CSMD3: variants seen among roughly 807,000 people sequenced by gnomAD.
The protein encoded by CSMD3 is CUB and sushi domain-containing protein 3.
A neutral mutation model predicts 435.2 loss-of-function variants in CSMD3; 177 were observed. That is an observed-to-expected ratio of 0.41 (90% CI 0.36 to 0.46). The LOEUF (loss-of-function observed/expected upper bound fraction) is 0.46. Among genes scored for constraint, CSMD3 ranks in the 20% least tolerant of loss-of-function variants. CSMD3 has a pLI of 0.34. For synonymous variants in CSMD3, 1,656 were observed against 1,520.5 expected (o/e 1.09, Z -2.07); for missense variants, 4,265 against 4,504.6 (o/e 0.95, Z 1.52).
chr8:112,492,436 A>G lies in CSMD3; in HGVS notation c.5278+53T>C. 1.4e-5 allele frequency: 19 copies of G among 1,393,130 alleles called. No individual in the cohort carries two copies. In the South Asian group the frequency reaches 2.0e-4, roughly 14 times the overall value. The allele number at this position is 1,393,130 out of a possible 1,614,324, so 86.3% of individuals were successfully genotyped here. A position where few individuals can be genotyped will look rare whatever the true frequency, so the allele number is the denominator to read the frequency against. ...CTGAAACACAGAAATGTCTTTAAAT[A>G]TTTTTTGATTTTTTCTAATCATGAA... On this transcript the variant is annotated intron_variant, in intron 31 of 70. Coordinates refer to ENST00000297405, the MANE Select transcript of CSMD3 (RefSeq NM_198123.2).
At chr8:113,389,908 T>C (rs745525040) in intron 1 of CSMD3, among the ~76,000 whole-genome samples, 18 of 151,794 alleles carry the variant, frequency 1.2e-4, no homozygotes, top group Admixed American at 4.6e-4. Flanking sequence ...TGATACTATA[T>C]AGCATTTAGC....
intron 13 of CSMD3, among the ~76,000 whole-genome samples, chr8:112,768,205 G>A (rs2078028158): frequency 6.6e-6 from 1 of 151,554 alleles, no homozygotes; most frequent in African/African-American, 2.4e-5. Flanking sequence ...AATAGCAGGA[G>A]AGTTTGATAT....
At chr8:112,753,182 T>C (rs1212236559) in intron 13 of CSMD3, among the ~76,000 whole-genome samples, 2 of 152,120 alleles carry the variant, frequency 1.3e-5, no homozygotes, top group African/African-American at 2.4e-5. Flanking sequence ...CTTTGATAAA[T>C]CAATGATAAG....
intron 5 of CSMD3, among the ~76,000 whole-genome samples, chr8:113,064,122 A>G (rs2088742304): frequency 6.6e-6 from 1 of 151,232 alleles, no homozygotes; most frequent in Non-Finnish European, 1.5e-5. Context: ...TGCTTAAACT[A>G]TACTATTTAT....
chr8:112,435,811 C>T (rs55731032), intron 32 of CSMD3, among the ~76,000 whole-genome samples: 28,068 of 151,718 alleles, frequency 0.19, 3,161 homozygotes, highest in Middle Eastern at 0.36. Flanking sequence ...GTGCATTTTT[C>T]CTCTCTGTAT....
intron 6 of CSMD3, among the ~76,000 whole-genome samples, chr8:113,017,927 G>A (rs1291295246): frequency 6.6e-6 from 1 of 151,782 alleles, no homozygotes; most frequent in Non-Finnish European, 1.5e-5. Flanking sequence ...TTTTGTGATG[G>A]CTAATATTTT....
chr8:112,868,000 C>T (rs2081031769), intron 10 of CSMD3, among the ~76,000 whole-genome samples: 1 of 152,160 alleles, frequency 6.6e-6, no homozygotes, highest in Admixed American at 6.5e-5. Context: ...AAACACATTG[C>T]ACAGCCATAC....
intron 12 of CSMD3, among the ~76,000 whole-genome samples, chr8:112,817,689 G>T (rs1321413837): frequency 6.6e-6 from 1 of 152,010 alleles, no homozygotes; most frequent in Admixed American, 6.6e-5. Context: ...GATAGAGAGA[G>T]AGAGAGAAAA....
At chr8:112,789,018 T>C (rs1003811792) in intron 13 of CSMD3, among the ~76,000 whole-genome samples, 1 of 152,082 alleles carries the variant, frequency 6.6e-6, no homozygotes, top group African/African-American at 2.4e-5. Flanking sequence ...AAATATCACA[T>C]GTGACTTGGT....
chr8:113,277,056 C>T (rs925762025), intron 3 of CSMD3, among the ~76,000 whole-genome samples: 20 of 151,966 alleles, frequency 1.3e-4, no homozygotes, highest in African/African-American at 4.8e-4. Context: ...ATATTTAGTA[C>T]TTCCTGAAAG....
chr8:112,269,194 C>G (rs1817235904), intron 59 of CSMD3, among the ~76,000 whole-genome samples: 1 of 152,104 alleles, frequency 6.6e-6, no homozygotes, highest in Non-Finnish European at 1.5e-5. Flanking sequence ...CTGGGATATC[C>G]CCAGCCCTCT....
chr8:112,838,662 A>C (rs1213649583), intron 11 of CSMD3, among the ~76,000 whole-genome samples: 1 of 151,830 alleles, frequency 6.6e-6, no homozygotes, highest in Non-Finnish European at 1.5e-5. Flanking sequence ...ATTGCTTGTA[A>C]ATGTCTAATG....
intron 35 of CSMD3, among the ~76,000 whole-genome samples, chr8:112,401,071 T>C (rs1472090614): frequency 2.6e-5 from 4 of 152,008 alleles, no homozygotes; most frequent in African/African-American, 9.7e-5. Context: ...TAGCCAGGCA[T>C]GGTAGTGCAT....
chr8:112,490,778 T>C (rs749125350), intron 31 of CSMD3, among the ~76,000 whole-genome samples: 6 of 152,128 alleles, frequency 3.9e-5, no homozygotes, highest in African/African-American at 7.2e-5. Flanking sequence ...AAATTAGATT[T>C]TTCTAATTCT....
At chr8:112,869,869 C>A (rs1012695977) in intron 10 of CSMD3, among the ~76,000 whole-genome samples, 1 of 152,004 alleles carries the variant, frequency 6.6e-6, no homozygotes, top group African/African-American at 2.4e-5. Context: ...ACATTGCACA[C>A]CCGGGCCTGT....
intron 10 of CSMD3, among the ~76,000 whole-genome samples, chr8:112,917,515 G>A (rs1443220051): frequency 6.6e-6 from 1 of 151,624 alleles, no homozygotes; most frequent in Non-Finnish European, 1.5e-5. Flanking sequence ...TAAAAAAAAA[G>A]TTGCTTAAAG....
chr8:113,052,097 T>C (rs950658417), intron 5 of CSMD3, among the ~76,000 whole-genome samples: 2 of 152,216 alleles, frequency 1.3e-5, no homozygotes, highest in Admixed American at 6.5e-5. Flanking sequence ...TTACAATACA[T>C]GTAGTTACAT....
intron 13 of CSMD3, among the ~76,000 whole-genome samples, chr8:112,724,188 A>G (rs577265040): frequency 1.3e-5 from 2 of 151,986 alleles, no homozygotes; most frequent in Non-Finnish European, 2.9e-5. Context: ...GGCATTTGAG[A>G]TAAGTCATGA....
intron 27 of CSMD3, among the ~76,000 whole-genome samples, chr8:112,540,585 T>G (rs1250739643): frequency 6.6e-6 from 1 of 152,070 alleles, no homozygotes; most frequent in Non-Finnish European, 1.5e-5. Flanking sequence ...TGGAATGTTA[T>G]TCAGCCACGG....
Sources: gnomAD v4.1 joint callset for allele counts (sites outside exome capture counted in the v4.1 genomes callset) on GRCh38, gnomAD v4.1.1 for gene constraint, MANE v1.5 for transcripts, NCBI Gene and HGNC (gene_info 2026-07-23, HGNC 2026-07-21) for gene names.